PCYT1A: variants seen among roughly 807,000 people sequenced by gnomAD.
PCYT1A encodes phosphate cytidylyltransferase 1A, choline.
In PCYT1A, 25 loss-of-function variants were observed where a neutral mutation model predicts 43.7. The observed-to-expected ratio is 0.57, with a 90% CI of 0.42 to 0.80. The LOEUF (loss-of-function observed/expected upper bound fraction) is 0.80. PCYT1A is among the 30% of genes least tolerant of loss of function. PCYT1A has a pLI of 0.00. For synonymous variants in PCYT1A, 172 were observed against 170.7 expected (o/e 1.01, Z -0.06); for missense variants, 421 against 474.2 (o/e 0.89, Z 1.04).
chr3:196,260,614 G>A (rs149840899), intron 2 of PCYT1A, among the ~76,000 whole-genome samples: 209 of 152,222 alleles, frequency 1.4e-3, no homozygotes, highest in African/African-American at 4.8e-3. Context: ...AGGCCGAGGC[G>A]GGTAGACCAC....
chr3:196,266,674 G>C (rs1725283601), intron 2 of PCYT1A, among the ~76,000 whole-genome samples: 1 of 151,990 alleles, frequency 6.6e-6, no homozygotes, highest in Admixed American at 6.6e-5. Context: ...CGGATCACTT[G>C]AGGTCAGAAG....
Position 196,242,757 on chromosome 3 carries a change from A to G in PCYT1A, c.487-117T>C, listed in dbSNP as rs998333187. The stretch of plus-strand genomic sequence containing the variant: ...CAGAGGCCAGGCCTCAGTGGACTTC[A>G]TATCTCTCTTTGCTTTGCTCATAAA... On this transcript the variant is annotated intron_variant, in intron 5 of 8. Coordinates refer to ENST00000431016, the MANE Select transcript of PCYT1A (RefSeq NM_001312673.2). The surrounding 1 kb of genome is among the most constrained non-coding windows in gnomAD (Gnocchi z 4.2). 46 of 715,308 alleles carry G rather than the reference A, an allele frequency of 6.4e-5. No homozygotes were observed. In the African/African-American group the frequency reaches 6.7e-4, roughly 10 times the overall value. The allele number at this position is 715,308 out of a possible 1,614,324, so 44.3% of individuals were successfully genotyped here. A position where few individuals can be genotyped will look rare whatever the true frequency, so the allele number is the denominator to read the frequency against.
chr3:196,238,811 C>T lies in PCYT1A; in HGVS notation c.981G>A (p.Glu327=), dbSNP rs2108760842. ...ATCGGAAAGAGGGGGAGGGGGAGCG[C>T]TCGCGAGTAGGGCTGCTGCTGGGGC... is the stretch of plus-strand genomic sequence containing the variant. The part of the protein sequence containing the change: ...KQSPSSSPTR[E]RSPSPSFRWP... Residue 327 remains glutamate, a synonymous_variant, in exon 9 of 9, where the codon GAG becomes GAA. Coordinates refer to ENST00000431016, the MANE Select transcript of PCYT1A (RefSeq NM_001312673.2). 7.0e-6 allele frequency: 11 copies of T among 1,577,522 alleles called. No individual in the cohort carries two copies. Among genetic ancestry groups the T allele is most frequent in the Non-Finnish European group, 9.5e-6 (11 of 1,162,944 alleles).
rs1724229284 is a variant in PCYT1A at position 196,238,294 on chromosome 3, C to T, written c.*394G>A. On this transcript the variant is annotated 3_prime_UTR_variant, in exon 9 of 9. Transcript: ENST00000431016. ...CTATAGTATACCGGGAAGAAAAGGC[C>T]TCTGCGTATTACACTACCTCCTTCT... 6.3e-6 allele frequency: 1 copy of T among 158,588 alleles called. No homozygotes were observed. Among genetic ancestry groups the T allele is most frequent in the Admixed American group, 6.5e-5 (1 of 15,446 alleles). 9.8% of individuals were successfully genotyped at this position (158,588 alleles called of 1,614,324 possible).
intron 8 of PCYT1A, 77 bp downstream of exon 8, chr3:196,239,469 GC>G (rs1463456888): frequency 7.9e-6 from 7 of 888,764 alleles, no homozygotes; most frequent in Non-Finnish European, 9.1e-6. Context: ...CAGTGTCGAT[GC>G]CCCTTCCTGC....
rs1724995459 is a variant in PCYT1A, at chr3:196,257,881, G to GT, written c.123dup (p.Arg42ThrfsTer8). ...TCATCAGAAAAAGGAGCTGGTTGCC[G>GT]TAAGCCCTTAAGAAATGGAAAGTGA... On this transcript the variant is annotated frameshift_variant, in exon 3 of 9. Coordinates refer to ENST00000431016, the MANE Select transcript of PCYT1A (RefSeq NM_001312673.2). LOFTEE classifies it high-confidence loss of function. 1 of 1,608,466 alleles carries GT rather than the reference G, an allele frequency of 6.2e-7. No individual in the cohort carries two copies. Among genetic ancestry groups the GT allele is most frequent in the East Asian group, 2.2e-5 (1 of 44,818 alleles).
chr3:196,248,179 C>A, intron 4 of PCYT1A, 28 bp downstream of exon 4: 2 of 1,196,842 alleles, frequency 1.7e-6, no homozygotes, highest in Non-Finnish European at 2.5e-6. Context: ...TTCTGCACAG[C>A]ACCTGAAGTC....
In PCYT1A at chr3:196,263,629, G is replaced by GT. The variant is rs1472433828; in HGVS notation, c.118-5743dup. Reference sequence around the variant, plus strand: ...GAAAGATTCCACCCCCCGGGGATCTGTTTTTTTGTTTTGTTTTGTTTTGAG... The same window carrying GT: ...GAAAGATTCCACCCCCCGGGGATCTGTTTTTTTTGTTTTGTTTTGTTTTGAG... On this transcript the variant is annotated intron_variant, in intron 2 of 8. Coordinates refer to ENST00000431016, the MANE Select transcript of PCYT1A (RefSeq NM_001312673.2). Among the ~76,000 whole-genome samples, 8 of 151,926 alleles carry GT rather than the reference G, an allele frequency of 5.3e-5. No homozygotes were observed. In the East Asian group the frequency reaches 7.7e-4, roughly 15 times the overall value.
rs1404841036 is a variant in PCYT1A at position 196,268,105 on chromosome 3, T to C, written c.117+2310A>G. On this transcript the variant is annotated intron_variant, in intron 2 of 8. Coordinates refer to ENST00000431016, the MANE Select transcript of PCYT1A (RefSeq NM_001312673.2). This position sits in a 1 kb window ranked among gnomAD's most constrained non-coding sequence, Gnocchi z 4.4. ...TATGAAGCAAAGTAATTTAAAGCAT[T>C]AAGACTCCCCAGAAGAATTTAAAAA... 6.6e-6 allele frequency among the ~76,000 whole-genome samples: 1 copy of C among 151,108 alleles called. No homozygotes were observed. The highest frequency in any genetic ancestry group is 2.4e-5 in the African/African-American group (1 of 40,856).
Position 196,239,624 on chromosome 3 carries a change from G to C in PCYT1A, c.820C>G (p.Leu274Val). The C allele has an allele frequency of 6.2e-7, 1 of 1,611,672 alleles. No homozygotes were observed. Among genetic ancestry groups the C allele is most frequent in the Non-Finnish European group, 8.5e-7 (1 of 1,177,830 alleles). The change falls in exon 8 of 9, where the codon CTC (leucine) becomes GTC (valine). Residue 274 changes from leucine to valine, a missense_variant. By Grantham distance (32) the Leu-to-Val change is conservative. Coordinates refer to ENST00000431016, the MANE Select transcript of PCYT1A (RefSeq NM_001312673.2). ...GACTTCTCCTCCCACTTCTGAATGA[G>C]GTCAATGCTTTTTTCCTCCACCTTC... is the stretch of plus-strand genomic sequence containing the variant. The part of the protein sequence containing the change: ...VQKVEEKSID[L>V]IQKWEEKSRE...
chr3:196,239,712 C>CT lies in PCYT1A; in HGVS notation c.731dup (p.Arg245GlufsTer3). 1 of 1,608,664 alleles carries CT rather than the reference C, an allele frequency of 6.2e-7. No individual in the cohort carries two copies. The highest frequency in any genetic ancestry group is 8.5e-7 in the Non-Finnish European group (1 of 1,175,062). ...CTTTCTTCTTTACTTTGTCAACCCT[C>CT]TCCTGCAAGTGGTATTTCTTCTCCT... On this transcript the variant is annotated frameshift_variant, in exon 8 of 9. Transcript: ENST00000431016. LOFTEE classifies it high-confidence loss of function.
At chr3:196,241,505 T>C in intron 7 of PCYT1A, 1 of 1,289,162 alleles carries the variant, frequency 7.8e-7, no homozygotes, top group East Asian at 5.5e-5. Flanking sequence ...TAAAAGGCAA[T>C]ATTAAGCTAA....
At chr3:196,260,246 A>G (rs62409166) in intron 2 of PCYT1A, among the ~76,000 whole-genome samples, 124,550 of 152,022 alleles carry the variant, frequency 0.82, 51,840 homozygotes, top group East Asian at 0.98. Context: ...TTAGATGTGT[A>G]TGTGTTATTC....
chr3:196,253,039 C>T (rs1577361765), intron 3 of PCYT1A, among the ~76,000 whole-genome samples: 2 of 152,016 alleles, frequency 1.3e-5, no homozygotes, highest in African/African-American at 4.8e-5. Context: ...AAAAATAATA[C>T]ATTAAAAAGA....
chr3:196,272,336 CA>C (rs1419802125), intron 1 of PCYT1A, among the ~76,000 whole-genome samples: 1 of 152,194 alleles, frequency 6.6e-6, no homozygotes, highest in Non-Finnish European at 1.5e-5. Context: ...AGGCACCCAC[CA>C]CCACGCCTGG....
At position 196,242,177 on chromosome 3, in the gene PCYT1A, C is replaced by T; in HGVS notation, c.566-87G>A. The T allele has an allele frequency of 1.5e-6, 2 of 1,299,404 alleles. No homozygotes were observed. Among genetic ancestry groups the T allele is most frequent in the Admixed American group, 3.5e-5 (2 of 57,696 alleles). 80.5% of individuals were successfully genotyped at this position (1,299,404 alleles called of 1,614,324 possible). On this transcript the variant is annotated intron_variant, in intron 6 of 8. Transcript: ENST00000431016. The surrounding 1 kb of genome is among the most constrained non-coding windows in gnomAD (Gnocchi z 4.2). ...TAAATGGAAATTGGGGGCAACATTCCTTTCCTTTCCTCAAAAAGCAGAATC... is the reference window on the plus strand; with the variant it reads ...TAAATGGAAATTGGGGGCAACATTCTTTTCCTTTCCTCAAAAAGCAGAATC...
intron 3 of PCYT1A, among the ~76,000 whole-genome samples, chr3:196,249,198 G>A (rs1724670420): frequency 6.6e-6 from 1 of 151,854 alleles, no homozygotes; most frequent in African/African-American, 2.4e-5. Flanking sequence ...CCAGCCTGGA[G>A]TGCACTGATG....
At position 196,238,445 on chromosome 3, in the gene PCYT1A, G is replaced by GA. The variant is rs936696510; in HGVS notation, c.*242_*243insT. 4 of 272,500 alleles carry GA rather than the reference G, an allele frequency of 1.5e-5. No individual in the cohort carries two copies. Among genetic ancestry groups the GA allele is most frequent in the Non-Finnish European group, 2.6e-5 (4 of 154,388 alleles). The allele number at this position is 272,500 out of a possible 1,614,324, so 16.9% of individuals were successfully genotyped here. On this transcript the variant is annotated 3_prime_UTR_variant, in exon 9 of 9. Coordinates refer to ENST00000431016, the MANE Select transcript of PCYT1A (RefSeq NM_001312673.2). ...ACATAAACAGTGAAACAAAGCCCTT[G>GA]GGGGGGGGTAAATGGATGCAGAGCA...
chr3:196,262,615 T>C (rs927269510), intron 2 of PCYT1A, among the ~76,000 whole-genome samples: 23 of 152,178 alleles, frequency 1.5e-4, no homozygotes, highest in African/African-American at 5.5e-4. Flanking sequence ...ATTGCTTCCA[T>C]AACAACTTTT....
Sources: allele counts gnomAD v4.1 joint callset (sites outside exome capture counted in the v4.1 genomes callset), GRCh38; gene constraint gnomAD v4.1.1; non-coding constraint Gnocchi (gnomAD v3.1); transcripts MANE v1.5; gene names NCBI Gene and HGNC (gene_info 2026-07-23, HGNC 2026-07-21).